The following MBNL1 variants were observed in gnomAD, a reference collection of about 807,000 sequenced individuals.
MBNL1 encodes muscleblind-like protein 1.
Under a neutral mutation model 42.2 loss-of-function variants are expected in MBNL1, and 8 were observed. That is an observed-to-expected ratio of 0.19 (90% CI 0.11 to 0.34). MBNL1 has a LOEUF of 0.34. Ranked by LOEUF, MBNL1 falls within the 10% of genes least tolerant of loss-of-function variation. MBNL1 has a pLI of 1.00. For missense variants in MBNL1, 309 were observed against 495.3 expected, an observed-to-expected ratio of 0.62 and a Z score of 3.57; for synonymous variants, 169 against 173.9, an observed-to-expected ratio of 0.97 and a Z score of 0.22.
chr3:152,314,404 T>C (rs181897276), intron 2 of MBNL1, among the ~76,000 whole-genome samples: 474 of 151,946 alleles, frequency 3.1e-3, no homozygotes, highest in African/African-American at 0.011. Flanking sequence ...GGTGGGAGTT[T>C]AGCTCTTGTT....
chr3:152,290,882 A>G (rs1054449712), intron 1 of MBNL1, among the ~76,000 whole-genome samples: 4 of 152,236 alleles, frequency 2.6e-5, no homozygotes, highest in Non-Finnish European at 4.4e-5. Context: ...TTCTACATTG[A>G]CAGATTCGGG....
intron 2 of MBNL1, among the ~76,000 whole-genome samples, chr3:152,364,777 T>A (rs55900002): frequency 4.1e-4 from 62 of 152,062 alleles, no homozygotes; most frequent in Non-Finnish European, 7.9e-4. Context: ...TCAGATACTG[T>A]GAGAGAGATT....
At chr3:152,445,634 TA>T in intron 5 of MBNL1, 95 bp downstream of exon 5, 1 of 1,365,154 alleles carries the variant, frequency 7.3e-7, no homozygotes, top group Non-Finnish European at 1.0e-6. Context: ...GTAACCTTTT[TA>T]AAAAAATTGC....
chr3:152,388,283 C>T (rs1179388232), intron 2 of MBNL1, among the ~76,000 whole-genome samples: 1 of 152,124 alleles, frequency 6.6e-6, no homozygotes, highest in Non-Finnish European at 1.5e-5. Context: ...TAAGCCATAA[C>T]TATGGTGAGG....
chr3:152,406,020 A>G (rs74478928), intron 2 of MBNL1, among the ~76,000 whole-genome samples: 1 of 152,158 alleles, frequency 6.6e-6, no homozygotes, highest in Non-Finnish European at 1.5e-5. Flanking sequence ...ATGATGCTAT[A>G]AAAAAAGCAG....
At position 152,317,106 on chromosome 3, in the gene MBNL1, T is replaced by G. The variant is rs539781243; in HGVS notation, c.174+16739T>G. ...TAAAAAGCAAACAAAAAAAAGCTAC[T>G]TGATGGTACCTTGGTTGTAGTTAGC... is the stretch of plus-strand genomic sequence containing the variant. On this transcript the variant is annotated intron_variant, in intron 2 of 9. Coordinates refer to ENST00000324210, the MANE Select transcript of MBNL1 (RefSeq NM_021038.5). Among the ~76,000 whole-genome samples, 9 of 152,228 alleles carry G rather than the reference T, an allele frequency of 5.9e-5. No homozygotes were observed. The South Asian group carries it at 8.3e-4, about 14-fold the overall frequency.
rs909282732 is a variant in MBNL1, at chr3:152,338,720, A to T, written c.174+38353A>T. 4.6e-5 allele frequency: 45 copies of T among 980,052 alleles called. No individual in the cohort carries two copies. In the Admixed American group the frequency reaches 2.5e-3, roughly 54 times the overall value. The allele number at this position is 980,052 out of a possible 1,614,324, so 60.7% of individuals were successfully genotyped here. On this transcript the variant is annotated intron_variant, in intron 2 of 9. Coordinates refer to ENST00000324210, the MANE Select transcript of MBNL1 (RefSeq NM_021038.5). ...GAAGCCGTTCTAGAAGCTAAAAACA[A>T]AACCCTGTAGCTATGGATTTAATAT... is the stretch of plus-strand genomic sequence containing the variant.
intron 2 of MBNL1, among the ~76,000 whole-genome samples, chr3:152,397,829 C>CA (rs1207532906): frequency 6.6e-6 from 1 of 152,042 alleles, no homozygotes; most frequent in Non-Finnish European, 1.5e-5. Context: ...AGTAAACTAG[C>CA]AAAAATCAGT....
intron 1 of MBNL1, among the ~76,000 whole-genome samples, chr3:152,277,842 CT>C (rs1213513417): frequency 6.6e-6 from 1 of 152,078 alleles, no homozygotes; most frequent in Non-Finnish European, 1.5e-5. Context: ...ATATTTACAA[CT>C]TATTAGTTAT....
At chr3:152,410,982 A>G (rs1340542312) in intron 2 of MBNL1, among the ~76,000 whole-genome samples, 1 of 152,194 alleles carries the variant, frequency 6.6e-6, no homozygotes, top group East Asian at 1.9e-4. Context: ...AAAGTAACTA[A>G]TATTTATTGG....
chr3:152,381,445 A>G (rs1364904266), intron 2 of MBNL1, among the ~76,000 whole-genome samples: 3 of 151,998 alleles, frequency 2.0e-5, no homozygotes. Flanking sequence ...AAAAATTCCT[A>G]TTTACAGTTA....
chr3:152,373,534 T>C (rs940625900), intron 2 of MBNL1, among the ~76,000 whole-genome samples: 1 of 152,018 alleles, frequency 6.6e-6, no homozygotes, highest in Non-Finnish European at 1.5e-5. Flanking sequence ...CATTGCACAG[T>C]CCCTCATGGC....
intron 1 of MBNL1, among the ~76,000 whole-genome samples, chr3:152,281,131 C>T (rs1310101619): frequency 6.6e-6 from 1 of 152,070 alleles, no homozygotes; most frequent in African/African-American, 2.4e-5. Flanking sequence ...CATGTGTGAT[C>T]CCATAGCTCT....
chr3:152,406,581 A>C (rs1480487133), intron 2 of MBNL1, among the ~76,000 whole-genome samples: 1 of 152,056 alleles, frequency 6.6e-6, no homozygotes, highest in Admixed American at 6.6e-5. Flanking sequence ...AGAAGTGTAG[A>C]GTTTCAGTTA....
intron 2 of MBNL1, among the ~76,000 whole-genome samples, chr3:152,325,102 C>CT (rs1232579687): frequency 1.0e-4 from 11 of 109,318 alleles, no homozygotes; most frequent in Non-Finnish European, 1.7e-4. Context: ...CCCCCGCCCG[C>CT]TTTTTTTTCA....
chr3:152,330,827 G>A (rs1475453201), intron 2 of MBNL1, among the ~76,000 whole-genome samples: 1 of 152,126 alleles, frequency 6.6e-6, no homozygotes, highest in African/African-American at 2.4e-5. Context: ...TTGTAGGTAT[G>A]TATAGGAAAA....
intron 2 of MBNL1, among the ~76,000 whole-genome samples, chr3:152,409,201 A>T (rs992481189): frequency 1.3e-5 from 2 of 152,202 alleles, no homozygotes; most frequent in Non-Finnish European, 2.9e-5. Context: ...ATGTATGTGA[A>T]GTATAATTTT....
intron 2 of MBNL1, among the ~76,000 whole-genome samples, chr3:152,260,641 T>G (rs323624): frequency 0.58 from 87,511 of 151,950 alleles, 26,299 homozygotes; most frequent in Middle Eastern, 0.66. Context: ...AAGGGGGTGC[T>G]TATAATCACA....
intron 2 of MBNL1, among the ~76,000 whole-genome samples, chr3:152,334,945 G>A (rs2088606004): frequency 6.6e-6 from 1 of 152,156 alleles, no homozygotes. Context: ...AGGTGCAGAC[G>A]TACGGGCAAA....
Sources: gnomAD v4.1 joint callset for allele counts (sites outside exome capture counted in the v4.1 genomes callset) on GRCh38, gnomAD v4.1.1 for gene constraint, MANE v1.5 for transcripts, NCBI Gene and HGNC (gene_info 2026-07-23, HGNC 2026-07-21) for gene names.